Variants in KAT2A observed in about 807,000 individuals in gnomAD.
KAT2A encodes histone acetyltransferase KAT2A.
In KAT2A, 42 loss-of-function variants were observed where a neutral mutation model predicts 95.2. That is an observed-to-expected ratio of 0.44 (90% CI 0.34 to 0.57). The LOEUF (loss-of-function observed/expected upper bound fraction) is 0.57. Ranked by LOEUF, KAT2A falls within the 20% of genes least tolerant of loss-of-function variation. The pLI is 0.01. For synonymous variants in KAT2A, 449 were observed against 448.2 expected, an observed-to-expected ratio of 1.00 and a Z score of -0.02; for missense variants, 784 against 1,126.3, an observed-to-expected ratio of 0.70 and a Z score of 4.35.
At position 42,120,956 on chromosome 17, in the gene KAT2A, C is replaced by A; in HGVS notation, c.339+10G>T. The A allele has an allele frequency of 6.4e-7, 1 of 1,567,728 alleles. No homozygotes were observed. Among genetic ancestry groups the A allele is most frequent in the East Asian group, 2.3e-5 (1 of 42,622 alleles). The stretch of plus-strand genomic sequence containing the variant: ...AAGCCCCGCCCCTTCACCCCAGGCC[C>A]CGCCCCCACCTTGCAAGCCGAGAAG... On this transcript the variant is annotated intron_variant, in intron 1 of 17. Transcript: ENST00000225916.
chr17:42,121,306 G>C lies in KAT2A; in HGVS notation c.-2C>G. The C allele has an allele frequency of 7.3e-7, 1 of 1,369,348 alleles. No homozygotes were observed. The highest frequency in any genetic ancestry group is 1.5e-5 in the African/African-American group (1 of 65,248). The allele number at this position is 1,369,348 out of a possible 1,614,324, so 84.8% of individuals were successfully genotyped here. A position where few individuals can be genotyped will look rare whatever the true frequency, so the allele number is the denominator to read the frequency against. ...CGGGGCCTGGGAAGGTTCCGCCATG[G>C]CCTCCCCCGCAGCGGAGAGCGGCGC... On this transcript the variant is annotated 5_prime_UTR_variant, in exon 1 of 18. Coordinates refer to ENST00000225916, the MANE Select transcript of KAT2A (RefSeq NM_021078.3).
At position 42,113,709 on chromosome 17, in the gene KAT2A, G is replaced by A; in HGVS notation, c.2454C>T (p.Ala818=). The stretch of plus-strand genomic sequence containing the variant: ...AGTAGAAGAACTTCTCCAGGGCGCT[G>A]GCACAGCGGCAGTACTCGCTGTCCG... The part of the protein sequence containing the change: ...NPPDSEYCRC[A]SALEKFFYFK... The change falls in exon 18 of 18, where the codon GCC becomes GCT. Residue 818 remains alanine (A), a synonymous_variant. Transcript: ENST00000225916. 2 of 1,611,654 alleles carry A rather than the reference G, an allele frequency of 1.2e-6. No homozygotes were observed. The highest frequency in any genetic ancestry group is 1.7e-6 in the Non-Finnish European group (2 of 1,179,256).
chr17:42,113,778 G>A lies in KAT2A; in HGVS notation c.2385C>T (p.Ala795=), dbSNP rs781930670. The change falls in exon 18 of 18, where the codon GCC becomes GCT. Residue 795 remains alanine (A), a synonymous_variant. Transcript: ENST00000225916. ...AGTTGGCGATGACCCGCTGCAGGTC[G>A]GCCACAAAGAGCTTCCGGGTCACGT... is the stretch of plus-strand genomic sequence containing the variant. ...RYYVTRKLFV[A]DLQRVIANCR... The A allele has an allele frequency of 3.1e-5, 50 of 1,609,558 alleles. No individual in the cohort carries two copies. The highest frequency in any genetic ancestry group is 3.6e-5 in the Non-Finnish European group (43 of 1,178,472).
rs1423425860 is a variant in KAT2A, at chr17:42,113,383, G to A, written c.*266C>T. On this transcript the variant is annotated 3_prime_UTR_variant, in exon 18 of 18. Coordinates refer to ENST00000225916, the MANE Select transcript of KAT2A (RefSeq NM_021078.3). ...CCAGGCCTGGGGGCCACCACGGCTG[G>A]GCAAGGTTCATCCCTGGCCACCAGC... 8 of 363,154 alleles carry A rather than the reference G, an allele frequency of 2.2e-5. No individual in the cohort carries two copies. The highest frequency in any genetic ancestry group is 1.7e-4 in the African/African-American group (8 of 46,578). 22.5% of individuals were successfully genotyped at this position (363,154 alleles called of 1,614,324 possible).
intron 6 of KAT2A, chr17:42,118,914 T>G: frequency 2.9e-6 from 2 of 697,304 alleles, no homozygotes; most frequent in Non-Finnish European, 3.8e-6. Flanking sequence ...TTGGTTTCAC[T>G]TCAAGCTTAA....
intron 11 of KAT2A, among the ~76,000 whole-genome samples, chr17:42,116,094 C>T (rs984141321): frequency 6.6e-6 from 1 of 152,200 alleles, no homozygotes; most frequent in Non-Finnish European, 1.5e-5. Context: ...ACCCCAGAGG[C>T]GAGTATTACC....
rs112118069 is a variant in KAT2A, at chr17:42,114,672, G to A, written c.2020-68C>T. On this transcript the variant is annotated intron_variant, in intron 13 of 17. Transcript: ENST00000225916. This position sits in a 1 kb window ranked among gnomAD's most constrained non-coding sequence, Gnocchi z 6.0. ...AACAACCCCTCCCAGGGCCACAGTC[G>A]GAGCCACTGGCTGCACCCACCCAGC... The A allele has an allele frequency of 6.9e-4, 975 of 1,418,094 alleles. 10 individuals carry two copies. In the African/African-American group the frequency reaches 0.011, roughly 17 times the overall value. The allele number at this position is 1,418,094 out of a possible 1,614,324, so 87.8% of individuals were successfully genotyped here.
In KAT2A at chr17:42,118,352, C is replaced by T. The variant is rs782020638; in HGVS notation, c.1125G>A (p.Trp375Ter). 6.2e-7 allele frequency: 1 copy of T among 1,614,076 alleles called. No homozygotes were observed. Among genetic ancestry groups the T allele is most frequent in the Non-Finnish European group, 8.5e-7 (1 of 1,179,912 alleles). ...AGGGTGGCATGGTGAAGCCTGACTC[C>T]CAGATTGGAGAGTTTGCCCCATAGA... ...EEIYGANSPI[W>*]ESGFTMPPSE... Residue 375 changes from tryptophan to a stop codon, truncating the protein, a stop_gained, in exon 7 of 18, where the codon TGG becomes TGA. Coordinates refer to ENST00000225916, the MANE Select transcript of KAT2A (RefSeq NM_021078.3). LOFTEE classifies it high-confidence loss of function.
chr17:42,115,345 C>A (rs2054241390), intron 12 of KAT2A, among the ~76,000 whole-genome samples: 1 of 128,912 alleles, frequency 7.8e-6, no homozygotes, highest in Non-Finnish European at 1.7e-5. Context: ...TTCCTCCAGC[C>A]TGCTCTTGGC....
In KAT2A at chr17:42,119,726, G is replaced by A. The variant is rs1555666889; in HGVS notation, c.700-8C>T. 2 of 1,588,492 alleles carry A rather than the reference G, an allele frequency of 1.3e-6. No homozygotes were observed. The highest frequency in any genetic ancestry group is 1.8e-5 in the Admixed American group (1 of 56,548). On this transcript the variant is annotated splice_polypyrimidine_tract_variant and splice_region_variant and intron_variant, in intron 4 of 17. Coordinates refer to ENST00000225916, the MANE Select transcript of KAT2A (RefSeq NM_021078.3). This position sits in a 1 kb window ranked among gnomAD's most constrained non-coding sequence, Gnocchi z 5.3. ...CACAAAGTTCAGCACACCCTGAGAA[G>A]GGGTGGGTGGGGGATAAAACCAGGA...
intron 12 of KAT2A, 24 bp from the exon 13 acceptor site, chr17:42,115,059 C>T: frequency 6.2e-6 from 10 of 1,611,110 alleles, no homozygotes; most frequent in Non-Finnish European, 7.6e-6. Context: ...GGTCATGACC[C>T]AGTCCATCCA....
At chr17:42,120,008 A>G (rs782420545) in intron 4 of KAT2A, 22 bp downstream of exon 4, 17 of 1,592,720 alleles carry the variant, frequency 1.1e-5, no homozygotes, top group Admixed American at 1.0e-4. Context: ...CCTATCCGCT[A>G]TCTCCAATTC....
At chr17:42,116,946 G>C (rs1259093196) in intron 11 of KAT2A, 89 bp downstream of exon 11, 2 of 1,495,826 alleles carry the variant, frequency 1.3e-6, no homozygotes, top group African/African-American at 1.4e-5. Flanking sequence ...GCAACGGGCT[G>C]CTGCATGCCA....
Position 42,114,477 on chromosome 17 carries a change from G to C in KAT2A, c.2134+13C>G, listed in dbSNP as rs1303193979. ...CGTGCCCCCACTACCCTGCAACTGA[G>C]ACCCCTGCTTACGAATGCCAGGAAC... is the stretch of plus-strand genomic sequence containing the variant. On this transcript the variant is annotated intron_variant, in intron 14 of 17. Transcript: ENST00000225916. The surrounding 1 kb of genome is among the most constrained non-coding windows in gnomAD (Gnocchi z 6.0). 2 of 1,613,434 alleles carry C rather than the reference G, an allele frequency of 1.2e-6. No individual in the cohort carries two copies. Among genetic ancestry groups the C allele is most frequent in the African/African-American group, 2.7e-5 (2 of 74,878 alleles).
Position 42,114,555 on chromosome 17 carries a change from T to C in KAT2A, c.2069A>G (p.Tyr690Cys), listed in dbSNP as rs1245059226. Residue 690 changes from tyrosine to cysteine, a missense_variant, in exon 14 of 18, where the codon TAC (tyrosine) becomes TGC (cysteine). Coordinates refer to ENST00000225916, the MANE Select transcript of KAT2A (RefSeq NM_021078.3). This position sits in a 1 kb window ranked among gnomAD's most constrained non-coding sequence, Gnocchi z 6.0. ...ERKQAQIRKV[Y>C]PGLSCFKEGV... is the part of the protein sequence containing the mutation. The stretch of plus-strand genomic sequence containing the variant: ...CTCCTTGAAGCAGCTGAGCCCCGGG[T>C]AGACCTTGCGGATCTGGGCCTGTTT... 1.2e-6 allele frequency: 2 copies of C among 1,613,904 alleles called. No homozygotes were observed. The highest frequency in any genetic ancestry group is 2.2e-5 in the East Asian group (1 of 44,882).
At chr17:42,120,571 C>A in intron 2 of KAT2A, 135 bp downstream of exon 2, 1 of 1,152,768 alleles carries the variant, frequency 8.7e-7, no homozygotes, top group Non-Finnish European at 1.3e-6. Context: ...CCCCTTGGTG[C>A]ACACCCCCCC....
Position 42,114,257 on chromosome 17 carries a change from G to C in KAT2A, c.2197C>G (p.Leu733Val). 1.3e-6 allele frequency: 2 copies of C among 1,554,586 alleles called. No homozygotes were observed. Among genetic ancestry groups the C allele is most frequent in the Non-Finnish European group, 1.7e-6 (2 of 1,148,014 alleles). Reference protein sequence around the residue: ...KGKELKDPDQLYTTLKNLLAQ... With the variant: ...KGKELKDPDQVYTTLKNLLAQ... ...AGCAGGTTTTTGAGGGTTGTGTAGA[G>C]CTGGTCGGGGTCCTTCAGCTCCTTC... The change falls in exon 16 of 18, where the codon CTC becomes GTC. Residue 733 changes from leucine (L) to valine (V), a missense_variant. Leu to Val is a conservative substitution (Grantham distance 32). Transcript: ENST00000225916. The surrounding 1 kb of genome is among the most constrained non-coding windows in gnomAD (Gnocchi z 6.0).
intron 3 of KAT2A, 37 bp from the exon 4 acceptor site, chr17:42,120,156 G>A (rs1598234544): frequency 6.2e-7 from 1 of 1,612,378 alleles, no homozygotes; most frequent in Non-Finnish European, 8.5e-7. Context: ...AGGGGAGGGG[G>A]GCAGAGCTGC....
chr17:42,120,340 G>C lies in KAT2A; in HGVS notation c.494C>G (p.Ser165Ter), dbSNP rs782250251. ...ADHVSHLENVSEDEINRLLGM... is the reference protein window; with the variant it reads ...ADHVSHLENV ...CAGCAGTCGGTTTATCTCATCCTCTGACACATTCTCCAAGTGGGATACGTG... is the reference window on the plus strand; with the variant it reads ...CAGCAGTCGGTTTATCTCATCCTCTCACACATTCTCCAAGTGGGATACGTG... The change falls in exon 3 of 18, where the codon TCA becomes TGA. Residue 165 changes from serine (S) to a stop codon, truncating the protein, a stop_gained. Transcript: ENST00000225916. LOFTEE classifies it high-confidence loss of function. The C allele has an allele frequency of 6.2e-7, 1 of 1,614,220 alleles. No homozygotes were observed. The highest frequency in any genetic ancestry group is 8.5e-7 in the Non-Finnish European group (1 of 1,180,024).
Sources: gnomAD v4.1 joint callset for allele counts (sites outside exome capture counted in the v4.1 genomes callset) on GRCh38, gnomAD v4.1.1 for gene constraint, Gnocchi (gnomAD v3.1) non-coding constraint, MANE v1.5 for transcripts, NCBI Gene and HGNC (gene_info 2026-07-23, HGNC 2026-07-21) for gene names.